COG6: variants seen among roughly 807,000 people sequenced by gnomAD.
COG6 encodes the protein component of oligomeric golgi complex 6, also known as conserved oligomeric Golgi complex subunit 6.
A neutral mutation model predicts 88.8 loss-of-function variants in COG6; 74 were observed. The observed-to-expected ratio is 0.83, with a 90% CI of 0.69 to 1.01. The LOEUF (loss-of-function observed/expected upper bound fraction) is 1.01. Ranked by LOEUF, COG6 falls within the 50% of genes least tolerant of loss-of-function variation. The probability of loss-of-function intolerance (pLI) is 0.00; values close to 1 mark genes in which losing one functional copy is unlikely to be tolerated. For missense variants in COG6, 800 were observed against 797.9 expected (o/e 1.00, Z -0.03); for synonymous variants, 286 against 278.7 (o/e 1.03, Z -0.26).
intron 11 of COG6, among the ~76,000 whole-genome samples, chr13:39,691,750 T>C (rs556451696): frequency 6.6e-6 from 1 of 151,918 alleles, no homozygotes; most frequent in African/African-American, 2.4e-5. Flanking sequence ...AGGAAAAAAA[T>C]TTCGACTTTA....
At chr13:39,699,925 A>T (rs1311200678) in intron 13 of COG6, among the ~76,000 whole-genome samples, 1 of 151,878 alleles carries the variant, frequency 6.6e-6, no homozygotes, top group African/African-American at 2.4e-5. Flanking sequence ...GGGGGCTAAG[A>T]TGACATACAG....
intron 1 of COG6, among the ~76,000 whole-genome samples, chr13:39,656,568 G>A (rs9548869): frequency 0.44 from 67,206 of 151,512 alleles, 15,311 homozygotes; most frequent in Admixed American, 0.59. Context: ...TGTCTCTGTG[G>A]GTCGCTAGGT....
intron 8 of COG6, among the ~76,000 whole-genome samples, chr13:39,686,598 T>C (rs1246890268): frequency 2.0e-5 from 3 of 152,226 alleles, no homozygotes; most frequent in Admixed American, 2.0e-4. Flanking sequence ...TTATGTCTAA[T>C]ATTGGAGTCA....
intron 18 of COG6, among the ~76,000 whole-genome samples, chr13:39,765,631 G>A (rs1455252861): frequency 3.2e-4 from 49 of 152,072 alleles, no homozygotes; most frequent in Non-Finnish European, 4.4e-5. Context: ...TTAACTGTAT[G>A]TTGCAACTTT....
At chr13:39,699,088 T>G (rs891042009) in intron 12 of COG6, among the ~76,000 whole-genome samples, 2 of 151,838 alleles carry the variant, frequency 1.3e-5, no homozygotes, top group Non-Finnish European at 2.9e-5. Flanking sequence ...AAAGAATAAC[T>G]CAGTATTTAT....
intron 18 of COG6, among the ~76,000 whole-genome samples, chr13:39,785,256 G>C (rs1383278910): frequency 1.3e-5 from 2 of 152,182 alleles, no homozygotes; most frequent in Non-Finnish European, 2.9e-5. Context: ...TTGGCATTCT[G>C]GGCTATATCA....
chr13:39,723,068 TTTTG>T (rs906091032), intron 15 of COG6, among the ~76,000 whole-genome samples: 1 of 152,118 alleles, frequency 6.6e-6, no homozygotes, highest in Non-Finnish European at 1.5e-5. Context: ...TTTGTTTGTG[TTTTG>T]TTTATTAGCA....
Position 39,719,839 on chromosome 13 carries a change from T to C in COG6, c.1584+12T>C, listed in dbSNP as rs758327607. The C allele has an allele frequency of 1.4e-5, 22 of 1,596,156 alleles. No individual in the cohort carries two copies. The highest frequency in any genetic ancestry group is 1.7e-4 in the Middle Eastern group (1 of 6,038). On this transcript the variant is annotated intron_variant, in intron 15 of 18. Coordinates refer to ENST00000455146, the MANE Select transcript of COG6 (RefSeq NM_020751.3). ...TGCTACAGTTTCAGGTAAATTTTTC[T>C]ATAAAATGACTATTGACTATGATTG...
intron 14 of COG6, 133 bp from the exon 15 acceptor site, chr13:39,719,525 TGA>T: frequency 8.5e-7 from 1 of 1,170,150 alleles, no homozygotes; most frequent in Non-Finnish European, 1.2e-6. Flanking sequence ...TAAAAAGCAT[TGA>T]TTTATGTTTA....
At position 39,719,805 on chromosome 13, in the gene COG6, G is replaced by T; in HGVS notation, c.1562G>T (p.Arg521Leu). Residue 521 changes from arginine (R) to leucine (L), a missense_variant, in exon 15 of 19, where the codon CGT becomes CTT. Arg to Leu is a moderately radical substitution (Grantham distance 102). Transcript: ENST00000455146. The stretch of plus-strand genomic sequence containing the variant: ...GCTCTATTTGAATTCACTGACAGAC[G>T]TCTGGAAATGCTACAGTTTCAGGTA... ...TLALFEFTDR[R>L]LEMLQFQIEA... is the part of the protein sequence containing the mutation. 1.2e-6 allele frequency: 2 copies of T among 1,611,742 alleles called. No homozygotes were observed. Among genetic ancestry groups the T allele is most frequent in the East Asian group, 2.2e-5 (1 of 44,818 alleles).
chr13:39,703,793 C>T (rs1312461876), intron 13 of COG6, among the ~76,000 whole-genome samples: 1 of 151,854 alleles, frequency 6.6e-6, no homozygotes, highest in Non-Finnish European at 1.5e-5. Context: ...CTGTTGTTGC[C>T]CAGGATCGTA....
intron 18 of COG6, among the ~76,000 whole-genome samples, chr13:39,772,803 A>G (rs1429233212): frequency 1.3e-5 from 2 of 152,206 alleles, no homozygotes; most frequent in Non-Finnish European, 2.9e-5. Flanking sequence ...TCCTGCCCCC[A>G]TTGAGGAACT....
At chr13:39,675,982 T>C (rs562197767) in intron 4 of COG6, among the ~76,000 whole-genome samples, 2 of 152,308 alleles carry the variant, frequency 1.3e-5, no homozygotes, top group South Asian at 4.1e-4. Flanking sequence ...TACAATGTAA[T>C]GTTTCAAGGT....
At chr13:39,727,877 C>T (rs1879223140) in intron 18 of COG6, among the ~76,000 whole-genome samples, 2 of 151,940 alleles carry the variant, frequency 1.3e-5, no homozygotes, top group African/African-American at 4.8e-5. Flanking sequence ...TATGGAAAAT[C>T]AATAATATAT....
intron 12 of COG6, among the ~76,000 whole-genome samples, chr13:39,698,662 A>G (rs1347338900): frequency 2.6e-5 from 4 of 151,944 alleles, no homozygotes; most frequent in Non-Finnish European, 1.5e-5. Context: ...TAATGCCATT[A>G]TATTCATCTT....
intron 18 of COG6, among the ~76,000 whole-genome samples, chr13:39,738,397 A>G (rs943557305): frequency 3.3e-5 from 5 of 152,202 alleles, no homozygotes; most frequent in Admixed American, 3.3e-4. Flanking sequence ...TCCCACAACC[A>G]TTGAAACAAA....
intron 8 of COG6, among the ~76,000 whole-genome samples, chr13:39,685,855 G>T (rs1876605638): frequency 9.8e-6 from 1 of 102,470 alleles, no homozygotes; most frequent in South Asian, 3.6e-4. Flanking sequence ...GCTGGATATT[G>T]CACTTCCCCT....
At chr13:39,683,341 A>G (rs1876430693) in intron 8 of COG6, among the ~76,000 whole-genome samples, 1 of 152,208 alleles carries the variant, frequency 6.6e-6, no homozygotes, top group Non-Finnish European at 1.5e-5. Context: ...TTCCTAAGGA[A>G]TTAGGTATAA....
downstream of COG6, among the ~76,000 whole-genome samples, chr13:39,753,938 C>G (rs1482379882): frequency 6.6e-6 from 1 of 152,176 alleles, no homozygotes; most frequent in Non-Finnish European, 1.5e-5. Flanking sequence ...GTTTCAGTCT[C>G]TCACTACTAC....
Sources: allele counts gnomAD v4.1 joint callset (sites outside exome capture counted in the v4.1 genomes callset), GRCh38; gene constraint gnomAD v4.1.1; transcripts MANE v1.5; gene names NCBI Gene and HGNC (gene_info 2026-07-23, HGNC 2026-07-21).